Variants in ARHGAP44 observed in about 807,000 individuals in gnomAD.
ARHGAP44 encodes the protein rho GTPase-activating protein 44.
A neutral mutation model predicts 106.8 loss-of-function variants in ARHGAP44; 43 were observed. That is an observed-to-expected ratio of 0.40 (90% CI 0.32 to 0.52). ARHGAP44 has a LOEUF of 0.52. Among genes scored for constraint, ARHGAP44 ranks in the 20% least tolerant of loss-of-function variants. ARHGAP44 has a pLI of 0.48. For synonymous variants in ARHGAP44, 439 were observed against 410.3 expected, an observed-to-expected ratio of 1.07 and a Z score of -0.85; for missense variants, 866 against 1,050.5, an observed-to-expected ratio of 0.82 and a Z score of 2.43.
intron 7 of ARHGAP44, among the ~76,000 whole-genome samples, chr17:12,937,588 G>T (rs2038585322): frequency 6.6e-6 from 1 of 152,174 alleles, no homozygotes; most frequent in Non-Finnish European, 1.5e-5. Flanking sequence ...GCAGCAGTTT[G>T]CTCTGTGAAC....
intron 6 of ARHGAP44, among the ~76,000 whole-genome samples, chr17:12,920,115 A>G (rs9914126): frequency 0.22 from 33,297 of 151,960 alleles, 6,213 homozygotes; most frequent in African/African-American, 0.5. Flanking sequence ...AGTGGCTCAC[A>G]CCTGTAACCC....
At chr17:12,841,594 T>TCTCTCTCTCTCTCTCTCACACA (rs1417307080) in intron 1 of ARHGAP44, among the ~76,000 whole-genome samples, 3 of 126,516 alleles carry the variant, frequency 2.4e-5, no homozygotes, top group South Asian at 2.7e-4. Flanking sequence ...TGTCTCTCTC[T>TCTCTCTCTCTCTCTCTCACACA]CACACACACA....
At position 12,802,844 on chromosome 17, in the gene ARHGAP44, C is replaced by T. The variant is rs552269543; in HGVS notation, c.53+12953C>T. ...CGTGAGCTCGGTCCACTGCAACCTCCGCCTCCCGGGTTCAAGTGATTCTTG... is the reference window on the plus strand; with the variant it reads ...CGTGAGCTCGGTCCACTGCAACCTCTGCCTCCCGGGTTCAAGTGATTCTTG... On this transcript the variant is annotated intron_variant, in intron 1 of 20. Transcript: ENST00000379672. 1.1e-3 allele frequency among the ~76,000 whole-genome samples: 155 copies of T among 138,144 alleles called. 1 individual carries two copies. The highest frequency in any genetic ancestry group is 3.7e-3 in the African/African-American group (139 of 37,946). The allele number at this position is 138,144 out of a possible 152,430, so 90.6% of individuals were successfully genotyped here.
intron 7 of ARHGAP44, among the ~76,000 whole-genome samples, chr17:12,931,127 A>G (rs1423573573): frequency 1.3e-5 from 2 of 152,206 alleles, no homozygotes; most frequent in Non-Finnish European, 2.9e-5. Flanking sequence ...GCTGGAGTAC[A>G]GTGGCGTGAT....
chr17:12,913,968 CAAAAAAAAAAAAA>C (rs58231055), intron 4 of ARHGAP44, among the ~76,000 whole-genome samples: 1 of 63,444 alleles, frequency 1.6e-5, no homozygotes, highest in Non-Finnish European at 2.9e-5. Flanking sequence ...GATTTTGTCT[CAAAAAAAAAAAAA>C]AAAAAAAAAG....
At chr17:12,979,965 C>T in intron 18 of ARHGAP44, 93 bp from the exon 19 acceptor site, 1 of 1,342,402 alleles carries the variant, frequency 7.4e-7, no homozygotes, top group East Asian at 2.5e-5. Flanking sequence ...TGCACGGGGC[C>T]CAGAAGGACA....
At chr17:12,974,881 G>A (rs1186405863) in intron 18 of ARHGAP44, among the ~76,000 whole-genome samples, 1 of 145,838 alleles carries the variant, frequency 6.9e-6, no homozygotes, top group Non-Finnish European at 1.5e-5. Flanking sequence ...ATGGAGTCTC[G>A]GTTGGTCGCC....
chr17:12,989,417 G>T (rs754088120), intron 20 of ARHGAP44, among the ~76,000 whole-genome samples: 1 of 152,126 alleles, frequency 6.6e-6, no homozygotes, highest in Non-Finnish European at 1.5e-5. Flanking sequence ...TCATCTTGCC[G>T]GGAAAAATGA....
At chr17:12,823,188 A>G (rs901672600) in intron 1 of ARHGAP44, among the ~76,000 whole-genome samples, 2 of 151,996 alleles carry the variant, frequency 1.3e-5, no homozygotes, top group Non-Finnish European at 2.9e-5. Flanking sequence ...GTAACCATCA[A>G]ACTCTCTTGA....
At chr17:12,834,784 A>AC (rs1483112244) in intron 1 of ARHGAP44, among the ~76,000 whole-genome samples, 2 of 152,224 alleles carry the variant, frequency 1.3e-5, no homozygotes, top group Non-Finnish European at 2.9e-5. Context: ...ATCAGTGGGA[A>AC]ATAGAAAATT....
rs1485895786 is a variant in ARHGAP44 at position 12,974,319 on chromosome 17, G to A, written c.1763+9G>A. The A allele has an allele frequency of 5.0e-6, 7 of 1,397,112 alleles. No homozygotes were observed. Among genetic ancestry groups the A allele is most frequent in the Non-Finnish European group, 6.5e-6 (7 of 1,082,496 alleles). 86.5% of individuals were successfully genotyped at this position (1,397,112 alleles called of 1,614,324 possible). A position where few individuals can be genotyped will look rare whatever the true frequency, so the allele number is the denominator to read the frequency against. The stretch of plus-strand genomic sequence containing the variant: ...GGGCCCGAGCGCACCAGGTAAGCGC[G>A]GGCCACTGCCGTCCGGGCGGGCTGG... On this transcript the variant is annotated intron_variant, in intron 18 of 20. Coordinates refer to ENST00000379672, the MANE Select transcript of ARHGAP44 (RefSeq NM_014859.6).
chr17:12,964,009 A>T (rs2039330909), intron 16 of ARHGAP44, among the ~76,000 whole-genome samples: 1 of 152,198 alleles, frequency 6.6e-6, no homozygotes, highest in East Asian at 1.9e-4. Flanking sequence ...TTAGCCATTG[A>T]GTATTGGTGT....
At chr17:12,820,431 T>C (rs1297184636) in intron 1 of ARHGAP44, among the ~76,000 whole-genome samples, 1 of 152,098 alleles carries the variant, frequency 6.6e-6, no homozygotes, top group African/African-American at 2.4e-5. Flanking sequence ...TTATGATAGG[T>C]GGAGAGTATT....
chr17:12,903,140 AGTGTGTGTGT>A (rs546197652), intron 3 of ARHGAP44, among the ~76,000 whole-genome samples: 667 of 57,580 alleles, frequency 0.012, 10 homozygotes, highest in African/African-American at 0.037. Flanking sequence ...AGAGAGAGAG[AGTGTGTGTGT>A]GTGTGTGTGT....
chr17:12,800,022 C>G (rs2034040761), intron 1 of ARHGAP44, among the ~76,000 whole-genome samples: 1 of 152,134 alleles, frequency 6.6e-6, no homozygotes, highest in African/African-American at 2.4e-5. Flanking sequence ...GGAATGGCAC[C>G]TACTTTATGG....
At chr17:12,891,385 G>A (rs867292068) in intron 1 of ARHGAP44, among the ~76,000 whole-genome samples, 28 of 152,210 alleles carry the variant, frequency 1.8e-4, no homozygotes, top group African/African-American at 6.5e-4. Context: ...TTGAGATGGA[G>A]GAGCTAGCGT....
At chr17:12,987,377 G>A (rs1013647410) in intron 20 of ARHGAP44, 3 of 461,812 alleles carry the variant, frequency 6.5e-6, no homozygotes, top group South Asian at 4.2e-5. Flanking sequence ...GGAGCTGGGG[G>A]AGAACCCAGC....
chr17:12,921,998 C>T (rs1041892696), intron 6 of ARHGAP44, among the ~76,000 whole-genome samples: 1 of 152,112 alleles, frequency 6.6e-6, no homozygotes, highest in Admixed American at 6.5e-5. Flanking sequence ...CCTCAGTCCA[C>T]CTGAATGATT....
chr17:12,947,055 C>G (rs1229056199), intron 10 of ARHGAP44, among the ~76,000 whole-genome samples: 1 of 152,150 alleles, frequency 6.6e-6, no homozygotes, highest in African/African-American at 2.4e-5. Context: ...CAATATATCT[C>G]TTTTCAACAC....
Sources: gnomAD v4.1 joint callset for allele counts (sites outside exome capture counted in the v4.1 genomes callset) on GRCh38, gnomAD v4.1.1 for gene constraint, MANE v1.5 for transcripts, NCBI Gene and HGNC (gene_info 2026-07-23, HGNC 2026-07-21) for gene names.